The following ADAMTS20 variants were observed in gnomAD, a reference collection of about 807,000 sequenced individuals.
The protein encoded by ADAMTS20 is A disintegrin and metalloproteinase with thrombospondin motifs 20.
A neutral mutation model predicts 260.1 loss-of-function variants in ADAMTS20; 225 were observed. The ratio of observed to expected loss-of-function variants is 0.87; its 90% confidence interval spans 0.78 to 0.97. The LOEUF (loss-of-function observed/expected upper bound fraction) is 0.97. Ranked by LOEUF, ADAMTS20 falls within the 50% of genes least tolerant of loss-of-function variation. The pLI, the probability that ADAMTS20 is intolerant of heterozygous loss-of-function variation, is 0.00. For synonymous variants in ADAMTS20, 802 were observed against 769.5 expected (o/e 1.04, Z -0.70); for missense variants, 2,400 against 2,337.7 (o/e 1.03, Z -0.55).
chr12:43,466,510 C>CTTTTTTT, intron 9 of ADAMTS20, 142 bp downstream of exon 9: 1 of 656,946 alleles, frequency 1.5e-6, no homozygotes, highest in African/African-American at 1.8e-5. Context: ...TCTTCTTGTT[C>CTTTTTTT]TTAAACATCC....
At chr12:43,449,589 G>A (rs936367767) in intron 14 of ADAMTS20, among the ~76,000 whole-genome samples, 1 of 151,866 alleles carries the variant, frequency 6.6e-6, no homozygotes, top group Non-Finnish European at 1.5e-5. Flanking sequence ...CCTGTTACAC[G>A]AGTTTACCTG....
intron 28 of ADAMTS20, chr12:43,423,135 G>T (rs1479548405): frequency 6.6e-6 from 1 of 151,906 alleles, no homozygotes; most frequent in East Asian, 1.9e-4. Flanking sequence ...AATAGAACAG[G>T]GGTCAGCAAA....
intron 37 of ADAMTS20, among the ~76,000 whole-genome samples, chr12:43,357,058 A>T (rs1939761941): frequency 3.9e-5 from 6 of 152,206 alleles, no homozygotes; most frequent in Admixed American, 3.3e-4. Flanking sequence ...ATTTACACAC[A>T]TTATGGTGTG....
chr12:43,510,311 C>T (rs1047623236), intron 3 of ADAMTS20, among the ~76,000 whole-genome samples: 1 of 151,788 alleles, frequency 6.6e-6, no homozygotes, highest in Non-Finnish European at 1.5e-5. Flanking sequence ...AAAACTATTA[C>T]ATGCTTTCTT....
intron 28 of ADAMTS20, among the ~76,000 whole-genome samples, chr12:43,407,067 C>G (rs920625553): frequency 6.6e-6 from 1 of 151,876 alleles, no homozygotes; most frequent in Non-Finnish European, 1.5e-5. Context: ...TGAAAATGTC[C>G]TTTTTAACTT....
intron 11 of ADAMTS20, among the ~76,000 whole-genome samples, chr12:43,461,849 T>TA (rs1942071004): frequency 6.6e-6 from 1 of 152,190 alleles, no homozygotes; most frequent in African/African-American, 2.4e-5. Flanking sequence ...GATTGAATTT[T>TA]AAAATTCAAA....
At chr12:43,525,508 A>G (rs184551647) in intron 3 of ADAMTS20, among the ~76,000 whole-genome samples, 58 of 152,348 alleles carry the variant, frequency 3.8e-4, no homozygotes, top group African/African-American at 1.3e-3. Flanking sequence ...TGAATGGAAC[A>G]GTATCTCACA....
chr12:43,419,014 C>T (rs1418874227), intron 28 of ADAMTS20, among the ~76,000 whole-genome samples: 1 of 152,098 alleles, frequency 6.6e-6, no homozygotes, highest in African/African-American at 2.4e-5. Flanking sequence ...ACTGCTATAG[C>T]ACAATGTTGA....
At chr12:43,514,070 A>G (rs1308200224) in intron 3 of ADAMTS20, among the ~76,000 whole-genome samples, 1 of 141,866 alleles carries the variant, frequency 7.0e-6, no homozygotes, top group East Asian at 2.3e-4. Flanking sequence ...TTTTAAAAAA[A>G]AGAGAGAATA....
In ADAMTS20 at chr12:43,552,138, C is replaced by T. The variant is rs275603; in HGVS notation, c.-217G>A. ...CTGCTTCATCGCACTGCAGCCTCAC[C>T]CCCCTTCCTGCGCCCGCGCTGCCCT... On this transcript the variant is annotated 5_prime_UTR_variant, in exon 1 of 39. Transcript: ENST00000389420. Among the ~76,000 whole-genome samples, 141,125 of 152,266 alleles carry T rather than the reference C, an allele frequency of 0.93. 66,061 individuals are homozygous for T. Among genetic ancestry groups the T allele is most frequent in the East Asian group, 0.99 (5,135 of 5,166 alleles).
intron 2 of ADAMTS20, among the ~76,000 whole-genome samples, chr12:43,538,020 T>G (rs776183613): frequency 6.6e-6 from 1 of 152,212 alleles, no homozygotes; most frequent in African/African-American, 2.4e-5. Flanking sequence ...TTCCTTTCAT[T>G]TGGGTGTATA....
chr12:43,379,038 T>C (rs1255432429), intron 31 of ADAMTS20, among the ~76,000 whole-genome samples: 1 of 152,164 alleles, frequency 6.6e-6, no homozygotes, highest in African/African-American at 2.4e-5. Flanking sequence ...GCCCTGTGAT[T>C]ATGGTGAAAC....
At chr12:43,463,657 G>T (rs1942103908) in intron 10 of ADAMTS20, among the ~76,000 whole-genome samples, 1 of 151,998 alleles carries the variant, frequency 6.6e-6, no homozygotes, top group African/African-American at 2.4e-5. Flanking sequence ...ATGTTTAAAG[G>T]CTTATTGAAA....
At chr12:43,389,932 G>T (rs1267706093) in intron 29 of ADAMTS20, among the ~76,000 whole-genome samples, 1 of 152,184 alleles carries the variant, frequency 6.6e-6, no homozygotes, top group Admixed American at 6.5e-5. Context: ...ACACAAGCAT[G>T]ACTCATTTAC....
chr12:43,447,460 T>G (rs1941784346), intron 14 of ADAMTS20, among the ~76,000 whole-genome samples: 1 of 152,136 alleles, frequency 6.6e-6, no homozygotes. Context: ...TGTTAAGAGC[T>G]CTTCATAAAC....
chr12:43,367,457 T>C (rs2137196203), intron 37 of ADAMTS20, among the ~76,000 whole-genome samples: 1 of 152,142 alleles, frequency 6.6e-6, no homozygotes, highest in Non-Finnish European at 1.5e-5. Flanking sequence ...CAGGATCTTC[T>C]CCACAGAAAA....
chr12:43,397,242 G>T (rs1037948181), intron 29 of ADAMTS20, among the ~76,000 whole-genome samples: 24 of 152,104 alleles, frequency 1.6e-4, no homozygotes, highest in African/African-American at 5.6e-4. Flanking sequence ...GTCCATTGTC[G>T]CCAAGAGGAA....
chr12:43,361,888 T>G (rs1365774582), intron 37 of ADAMTS20, among the ~76,000 whole-genome samples: 1 of 152,232 alleles, frequency 6.6e-6, no homozygotes. Flanking sequence ...GATTTACTTG[T>G]ATATGCGTCT....
intron 28 of ADAMTS20, among the ~76,000 whole-genome samples, chr12:43,409,453 T>G (rs1940983451): frequency 6.7e-6 from 1 of 150,122 alleles, no homozygotes; most frequent in African/African-American, 2.5e-5. Flanking sequence ...ATACAAAAAA[T>G]TAGCCGGGCG....
Sources: allele counts gnomAD v4.1 joint callset (sites outside exome capture counted in the v4.1 genomes callset), GRCh38; gene constraint gnomAD v4.1.1; transcripts MANE v1.5; gene names NCBI Gene and HGNC (gene_info 2026-07-23, HGNC 2026-07-21).